Variants in TAF1B observed in about 807,000 individuals in gnomAD.
TAF1B encodes the protein TATA-box binding protein associated factor, RNA polymerase I subunit B.
In TAF1B, 61 loss-of-function variants were observed where a neutral mutation model predicts 83.9. The observed-to-expected ratio is 0.73, with a 90% CI of 0.59 to 0.90. The LOEUF is 0.90. Ranked by LOEUF, TAF1B falls within the 40% of genes least tolerant of loss-of-function variation. The probability of loss-of-function intolerance (pLI) is 0.00; values close to 1 mark genes in which losing one functional copy is unlikely to be tolerated. For synonymous variants in TAF1B, 221 were observed against 224.6 expected (o/e 0.98, Z 0.14); for missense variants, 625 against 677.0 (o/e 0.92, Z 0.85).
intron 8 of TAF1B, among the ~76,000 whole-genome samples, chr2:9,888,153 C>T (rs1436267868): frequency 6.6e-6 from 1 of 152,054 alleles, no homozygotes; most frequent in East Asian, 1.9e-4. Flanking sequence ...TGTGGTTGCT[C>T]TAGGGTTTAC....
chr2:9,930,627 A>C (rs1045328102), intron 14 of TAF1B, among the ~76,000 whole-genome samples: 1 of 152,210 alleles, frequency 6.6e-6, no homozygotes, highest in African/African-American at 2.4e-5. Context: ...GGTGCTGAGA[A>C]GAATGTATAT....
At chr2:9,849,502 A>G (rs771866299) in intron 3 of TAF1B, 42 bp downstream of exon 3, 16 of 1,379,728 alleles carry the variant, frequency 1.2e-5, no homozygotes, top group Admixed American at 2.7e-5. Context: ...CTTTATTCAC[A>G]TCTTTCACCT....
At chr2:9,911,855 G>A (rs150895616) in intron 11 of TAF1B, among the ~76,000 whole-genome samples, 16 of 152,124 alleles carry the variant, frequency 1.1e-4, no homozygotes, top group African/African-American at 3.9e-4. Flanking sequence ...CCATCCTGTC[G>A]ATTCTGATGC....
intron 5 of TAF1B, among the ~76,000 whole-genome samples, chr2:9,861,644 C>A (rs1197299172): frequency 6.6e-6 from 1 of 152,238 alleles, no homozygotes; most frequent in Non-Finnish European, 1.5e-5. Flanking sequence ...GGGCAGACTG[C>A]CTCCTCAAGT....
intron 3 of TAF1B, among the ~76,000 whole-genome samples, chr2:9,850,025 ATATGTGTGTGTGTG>A (rs1429854753): frequency 5.9e-5 from 7 of 119,008 alleles, no homozygotes; most frequent in Non-Finnish European, 8.7e-5. Context: ...ATATATATAT[ATATGTGTGTGTGTG>A]TGTGTGTGTG....
At chr2:9,924,734 A>G (rs1473242921) in intron 14 of TAF1B, among the ~76,000 whole-genome samples, 1 of 152,242 alleles carries the variant, frequency 6.6e-6, no homozygotes, top group African/African-American at 2.4e-5. Flanking sequence ...ATATTTAGCT[A>G]TGTATCGAAT....
At chr2:9,878,026 T>A (rs770354381) in intron 7 of TAF1B, among the ~76,000 whole-genome samples, 13 of 152,208 alleles carry the variant, frequency 8.5e-5, no homozygotes, top group Non-Finnish European at 1.3e-4. Flanking sequence ...ATTCTTCCTT[T>A]GCTTTTCTCC....
chr2:9,875,981 T>C lies in TAF1B; in HGVS notation c.670T>C (p.Trp224Arg), dbSNP rs766978729. 3.1e-6 allele frequency: 5 copies of C among 1,612,774 alleles called. No individual in the cohort carries two copies. In the Admixed American group the frequency reaches 6.7e-5, roughly 22 times the overall value. ...TGCCTTCTGTTATCTGTCCTTACTT[T>C]GGCAGAGAGAAGCAATAACACTTTC... The part of the protein sequence containing the change: ...TLAFCYLSLL[W>R]QREAITLSDL... The change falls in exon 7 of 15, where the codon TGG becomes CGG. Residue 224 changes from tryptophan (W) to arginine (R), a missense_variant. Physicochemically the swap from Trp to Arg is moderately radical, Grantham distance 101. Transcript: ENST00000263663.
rs1665845296 is a variant in TAF1B at position 9,920,579 on chromosome 2, C to CA, written c.1565+759_1565+760insA. Among the ~76,000 whole-genome samples, 2 of 96,434 alleles carry CA rather than the reference C, an allele frequency of 2.1e-5. 1 individual carries two copies. The highest frequency in any genetic ancestry group is 4.1e-5 in the Non-Finnish European group (2 of 48,830). The allele number at this position is 96,434 out of a possible 152,430, so 63.3% of individuals were successfully genotyped here. ...AGGGTATGGCGTCTGTAGACTGGGG[C>CA]GGGGGGCGGGGGGTCCATTTGCCCC... On this transcript the variant is annotated intron_variant, in intron 14 of 14. Coordinates refer to ENST00000263663, the MANE Select transcript of TAF1B (RefSeq NM_005680.3).
intron 5 of TAF1B, among the ~76,000 whole-genome samples, chr2:9,860,134 C>T (rs776841377): frequency 6.6e-6 from 1 of 152,132 alleles, no homozygotes; most frequent in Non-Finnish European, 1.5e-5. Context: ...GGGAAACTGC[C>T]CCCATGATCC....
At chr2:9,849,804 ATGAGTG>A (rs1163896377) in intron 3 of TAF1B, among the ~76,000 whole-genome samples, 1 of 152,204 alleles carries the variant, frequency 6.6e-6, no homozygotes, top group Non-Finnish European at 1.5e-5. Flanking sequence ...TGACCTCAAC[ATGAGTG>A]TGCTTTGAAA....
chr2:9,866,290 T>C (rs4610025), intron 5 of TAF1B, among the ~76,000 whole-genome samples: 36,779 of 152,110 alleles, frequency 0.24, 5,014 homozygotes, highest in East Asian at 0.3. Flanking sequence ...TGAACAGTCA[T>C]TTCTCAAAAG....
intron 6 of TAF1B, among the ~76,000 whole-genome samples, chr2:9,870,965 G>A (rs1664149453): frequency 6.6e-6 from 1 of 151,932 alleles, no homozygotes; most frequent in Non-Finnish European, 1.5e-5. Context: ...AATATCTTAT[G>A]CATTCTATCA....
intron 7 of TAF1B, among the ~76,000 whole-genome samples, chr2:9,878,115 G>A (rs781722405): frequency 1.3e-4 from 20 of 152,012 alleles, no homozygotes; most frequent in Non-Finnish European, 2.4e-4. Flanking sequence ...GAACTGGTTC[G>A]AAATGTGAAT....
intron 14 of TAF1B, among the ~76,000 whole-genome samples, chr2:9,928,222 T>C (rs1666102859): frequency 6.6e-6 from 1 of 152,224 alleles, no homozygotes; most frequent in Non-Finnish European, 1.5e-5. Flanking sequence ...CATTGGTCTA[T>C]ATCTCTGTTT....
In TAF1B at chr2:9,868,394, G is replaced by A. The variant is rs1283547206; in HGVS notation, c.518G>A (p.Arg173Gln). Residue 173 changes from arginine to glutamine, a missense_variant, in exon 6 of 15, where the codon CGA (arginine) becomes CAA (glutamine). Transcript: ENST00000263663. ...GAGTCTCAGTCTGACATCCACACTC[G>A]AAAACCTTTCCCCGTCAGCAAAGCA... is the stretch of plus-strand genomic sequence containing the variant. ...GAESQSDIHTRKPFPVSKASQ... is the reference protein window; with the variant it reads ...GAESQSDIHTQKPFPVSKASQ... 19 of 1,613,444 alleles carry A rather than the reference G, an allele frequency of 1.2e-5. No individual in the cohort carries two copies. The highest frequency in any genetic ancestry group is 4.0e-5 in the African/African-American group (3 of 74,866).
intron 2 of TAF1B, among the ~76,000 whole-genome samples, 173 bp from the exon 3 acceptor site, chr2:9,849,200 A>C (rs1429841647): frequency 6.6e-6 from 1 of 152,186 alleles, no homozygotes. Context: ...TGAATGAAAA[A>C]ACAACATCAA....
chr2:9,889,725 G>A (rs958783128), intron 8 of TAF1B, among the ~76,000 whole-genome samples: 1 of 152,144 alleles, frequency 6.6e-6, no homozygotes, highest in African/African-American at 2.4e-5. Flanking sequence ...TTGAAGAACA[G>A]TTTAATCCTT....
intron 4 of TAF1B, among the ~76,000 whole-genome samples, chr2:9,853,555 C>T (rs900403533): frequency 6.6e-6 from 1 of 151,942 alleles, no homozygotes; most frequent in African/African-American, 2.4e-5. Context: ...GCAGCCCCAA[C>T]CTCCTAGACT....
Sources: gnomAD v4.1 joint callset for allele counts (sites outside exome capture counted in the v4.1 genomes callset) on GRCh38, gnomAD v4.1.1 for gene constraint, MANE v1.5 for transcripts, NCBI Gene and HGNC (gene_info 2026-07-23, HGNC 2026-07-21) for gene names.